CCDC38: variants seen among roughly 807,000 people sequenced by gnomAD.
CCDC38 encodes coiled-coil domain-containing protein 38.
In CCDC38, 69 loss-of-function variants were observed where a neutral mutation model predicts 72.8. That is an observed-to-expected ratio of 0.95 (90% CI 0.78 to 1.16). The LOEUF is 1.16. Ranked by LOEUF, CCDC38 falls within the 50% of genes most tolerant of loss-of-function variation. The pLI, the probability that CCDC38 is intolerant of heterozygous loss-of-function variation, is 0.00. For synonymous variants in CCDC38, 201 were observed against 213.2 expected (o/e 0.94, Z 0.50); for missense variants, 626 against 638.9 (o/e 0.98, Z 0.22).
intron 10 of CCDC38, chr12:95,885,668 A>G (rs2079751025): frequency 6.5e-6 from 1 of 153,790 alleles, no homozygotes; most frequent in Non-Finnish European, 1.4e-5. Context: ...TTTGATGTCA[A>G]CACCTTGAAA....
At chr12:95,896,683 G>A (rs1416367513) in intron 7 of CCDC38, 1 of 152,220 alleles carries the variant, frequency 6.6e-6, no homozygotes, top group Non-Finnish European at 1.5e-5. Flanking sequence ...CCAAGCAAAA[G>A]CTTCAGAAGA....
chr12:95,890,574 C>T (rs2079813366), intron 9 of CCDC38, among the ~76,000 whole-genome samples: 1 of 152,228 alleles, frequency 6.6e-6, no homozygotes, highest in Non-Finnish European at 1.5e-5. Context: ...CTTGGAAGGA[C>T]TTCAGGACAT....
At chr12:95,872,191 GTGTT>G in intron 14 of CCDC38, 60 bp downstream of exon 14, 1 of 1,425,358 alleles carries the variant, frequency 7.0e-7, no homozygotes, top group Non-Finnish European at 9.9e-7. Context: ...ACTTGCTAAT[GTGTT>G]TGTGGAATCT....
Position 95,918,906 on chromosome 12 carries a change from G to A in CCDC38, c.108C>T (p.Val36=). 1 of 1,610,124 alleles carries A rather than the reference G, an allele frequency of 6.2e-7. No individual in the cohort carries two copies. Among genetic ancestry groups the A allele is most frequent in the Non-Finnish European group, 8.5e-7 (1 of 1,176,538 alleles). The change falls in exon 3 of 16, where the codon GTC becomes GTT. Residue 36 remains valine, a synonymous_variant. Transcript: ENST00000344280. ...CCTTTGCTGCCATTTCATTTTCTTT[G>A]ACAAGAAAGAGATCTCTGAAAAAGA... ...YKIFFRDLFL[V]KENEMAAKET... is the part of the protein sequence containing the mutation.
chr12:95,940,787 C>T (rs1280741111), intron 1 of CCDC38, among the ~76,000 whole-genome samples: 1 of 152,090 alleles, frequency 6.6e-6, no homozygotes, highest in Non-Finnish European at 1.5e-5. Context: ...TTACTTTCAC[C>T]TTGACCTTTA....
rs2080446182 is a variant in CCDC38, at chr12:95,941,115, T to A, written c.-15+1316A>T. On this transcript the variant is annotated intron_variant, in intron 1 of 15. Coordinates refer to ENST00000344280, the MANE Select transcript of CCDC38 (RefSeq NM_182496.3). ...TGCAAACCTCCTGTTTGCAGGAGCT[T>A]ATCAGGTAATGTTGTCTGTCTGGAC... Among the ~76,000 whole-genome samples, 4 of 152,220 alleles carry A rather than the reference T, an allele frequency of 2.6e-5. No homozygotes were observed. The South Asian group carries it at 8.3e-4, about 32-fold the overall frequency.
intron 8 of CCDC38, 72 bp downstream of exon 8, chr12:95,894,916 TA>T: frequency 1.6e-6 from 2 of 1,220,332 alleles, no homozygotes; most frequent in South Asian, 1.5e-5. Context: ...TCTATTTAGA[TA>T]AAAAACATTG....
intron 2 of CCDC38, among the ~76,000 whole-genome samples, chr12:95,929,709 TA>T (rs1251487640): frequency 1.3e-5 from 2 of 152,248 alleles, no homozygotes; most frequent in Admixed American, 1.3e-4. Context: ...AGAAGAAAAC[TA>T]AATTTCTGAA....
In CCDC38 at chr12:95,918,955, G is replaced by T; in HGVS notation, c.59C>A (p.Thr20Asn). The T allele has an allele frequency of 6.2e-7, 1 of 1,608,722 alleles. No homozygotes were observed. Among genetic ancestry groups the T allele is most frequent in the Non-Finnish European group, 8.5e-7 (1 of 1,175,648 alleles). ...GATCTTATAAGGCCTGTCCTCTTTGGTTGAGCCATCTTTTACTTTACCTGT... is the reference window on the plus strand; with the variant it reads ...GATCTTATAAGGCCTGTCCTCTTTGTTTGAGCCATCTTTTACTTTACCTGT... ...NSGGKVKDGS[T>N]KEDRPYKIFF... Residue 20 changes from threonine to asparagine, a missense_variant, in exon 3 of 16, where the codon ACC (threonine) becomes AAC (asparagine). Transcript: ENST00000344280.
In CCDC38 at chr12:95,879,617, T is replaced by C; in HGVS notation, c.1142+27A>G. 1 of 1,510,228 alleles carries C rather than the reference T, an allele frequency of 6.6e-7. No individual in the cohort carries two copies. The highest frequency in any genetic ancestry group is 9.1e-7 in the Non-Finnish European group (1 of 1,101,914). The allele number at this position is 1,510,228 out of a possible 1,614,324, so 93.6% of individuals were successfully genotyped here. ...TCTGGTTAGAAATTGCTTAATGGAA[T>C]AAATCTACTTGTTTATAATGACTTA... On this transcript the variant is annotated intron_variant, in intron 12 of 15. Coordinates refer to ENST00000344280, the MANE Select transcript of CCDC38 (RefSeq NM_182496.3). The surrounding 1 kb of genome is among the most constrained non-coding windows in gnomAD (Gnocchi z 5.5).
At chr12:95,907,578 G>A (rs1049119021) in intron 4 of CCDC38, among the ~76,000 whole-genome samples, 1 of 136,096 alleles carries the variant, frequency 7.3e-6, no homozygotes, top group African/African-American at 2.9e-5. Flanking sequence ...CCAGGCGGGG[G>A]ACTGACACCC....
intron 2 of CCDC38, chr12:95,919,531 C>A (rs574764482): frequency 9.5e-4 from 435 of 455,918 alleles, no homozygotes; most frequent in Non-Finnish European, 1.1e-3. Context: ...TTTGCTTTAA[C>A]AGTAGAATGC....
At chr12:95,912,504 C>A (rs1172034702) in intron 4 of CCDC38, among the ~76,000 whole-genome samples, 2 of 152,094 alleles carry the variant, frequency 1.3e-5, no homozygotes, top group Non-Finnish European at 2.9e-5. Flanking sequence ...AACAGACACA[C>A]AAGTACAGCT....
At chr12:95,907,602 G>A (rs1211183757) in intron 4 of CCDC38, among the ~76,000 whole-genome samples, 16 of 139,352 alleles carry the variant, frequency 1.1e-4, no homozygotes, top group Admixed American at 5.5e-4. Context: ...CCTCCCTCCC[G>A]GACGGGTGGC....
chr12:95,888,416 C>T, intron 10 of CCDC38, 42 bp downstream of exon 10: 1 of 1,557,808 alleles, frequency 6.4e-7, no homozygotes, highest in East Asian at 2.2e-5. Context: ...TGCTGAAAAC[C>T]ATTCCCAGTT....
chr12:95,931,912 G>A (rs564581593), intron 2 of CCDC38, among the ~76,000 whole-genome samples: 2 of 152,320 alleles, frequency 1.3e-5, no homozygotes, highest in South Asian at 4.1e-4. Context: ...ATCTGAGGAA[G>A]AGAGGTACTG....
At chr12:95,867,307 TTAAC>T (rs2079530634) in intron 15 of CCDC38, 118 bp from the exon 16 acceptor site, 2 of 652,340 alleles carry the variant, frequency 3.1e-6, no homozygotes, top group Non-Finnish European at 5.5e-6. Flanking sequence ...GTTTGTAACA[TTAAC>T]TAATCACAGT....
At chr12:95,938,903 T>G (rs1322839490) in intron 1 of CCDC38, among the ~76,000 whole-genome samples, 2 of 152,202 alleles carry the variant, frequency 1.3e-5, no homozygotes, top group African/African-American at 2.4e-5. Context: ...AAATACACGT[T>G]CACATCCAAC....
chr12:95,931,130 T>C (rs2080333033), intron 2 of CCDC38, among the ~76,000 whole-genome samples: 2 of 152,182 alleles, frequency 1.3e-5, no homozygotes, highest in African/African-American at 4.8e-5. Flanking sequence ...CCTTTGAGCA[T>C]AAAATCAGGA....
Sources: gnomAD v4.1 joint callset for allele counts (sites outside exome capture counted in the v4.1 genomes callset) on GRCh38, gnomAD v4.1.1 for gene constraint, Gnocchi (gnomAD v3.1) non-coding constraint, MANE v1.5 for transcripts, NCBI Gene and HGNC (gene_info 2026-07-23, HGNC 2026-07-21) for gene names.